Variants in LRP1 observed in about 807,000 individuals in gnomAD.
The protein encoded by LRP1 is LDL receptor related protein 1.
LRP1 carries 51 observed loss-of-function variants against 541.5 expected under a neutral mutation model. That is an observed-to-expected ratio of 0.09 (90% CI 0.08 to 0.12). The LOEUF is 0.12. LRP1 is among the 10% of genes least tolerant of loss of function. The pLI is 1.00. For synonymous variants in LRP1, 2,219 were observed against 2,470.8 expected (o/e 0.90, Z 3.02); for missense variants, 3,878 against 6,376.2 (o/e 0.61, Z 13.34).
chr12:57,192,784 T>C, intron 44 of LRP1, 61 bp from the exon 45 acceptor site: 1 of 1,605,580 alleles, frequency 6.2e-7, no homozygotes, highest in African/African-American at 1.3e-5. Context: ...GTGGGTGCAC[T>C]CTGGGTGCAT....
At chr12:57,140,073 C>A (rs2035255986) in intron 2 of LRP1, among the ~76,000 whole-genome samples, 1 of 152,144 alleles carries the variant, frequency 6.6e-6, no homozygotes, top group Non-Finnish European at 1.5e-5. Flanking sequence ...AAGGAAGTTG[C>A]AGAGATGATA....
chr12:57,172,086 G>A (rs1251351543), intron 20 of LRP1, among the ~76,000 whole-genome samples: 1 of 142,032 alleles, frequency 7.0e-6, no homozygotes, highest in East Asian at 2.1e-4. Context: ...TTGAGATGGA[G>A]TCTCCCTCTG....
chr12:57,210,196 C>A, intron 81 of LRP1, 27 bp downstream of exon 81: 2 of 1,571,916 alleles, frequency 1.3e-6, no homozygotes, highest in Non-Finnish European at 1.7e-6. Context: ...CCAGTCCCAG[C>A]CATGCCTCAG....
chr12:57,192,522 C>T (rs925156329), intron 44 of LRP1, among the ~76,000 whole-genome samples: 2 of 152,144 alleles, frequency 1.3e-5, no homozygotes, highest in Non-Finnish European at 2.9e-5. Flanking sequence ...CCAGGTGTCT[C>T]CCATGCGCCC....
At position 57,162,041 on chromosome 12, in the gene LRP1, T is replaced by G. The variant is rs2136682604; in HGVS notation, c.2203-276T>G. Among the ~76,000 whole-genome samples, 1 of 151,564 alleles carries G rather than the reference T, an allele frequency of 6.6e-6. No homozygotes were observed. The highest frequency in any genetic ancestry group is 1.5e-5 in the Non-Finnish European group (1 of 67,810). On this transcript the variant is annotated intron_variant, in intron 13 of 88. Transcript: ENST00000243077. The surrounding 1 kb of genome is among the most constrained non-coding windows in gnomAD (Gnocchi z 5.2). ...TGCACGTATGTGTGCGTGTGTGTGT[T>G]TGGGGACTATGAATGAATAGGAATG...
Position 57,209,455 on chromosome 12 carries a change from G to A in LRP1, c.12263-237G>A, listed in dbSNP as rs1263305980. Among the ~76,000 whole-genome samples, 9 of 152,364 alleles carry A rather than the reference G, an allele frequency of 5.9e-5. No homozygotes were observed. In the South Asian group the frequency reaches 6.2e-4, roughly 11 times the overall value. On this transcript the variant is annotated intron_variant, in intron 79 of 88. Transcript: ENST00000243077. ...GAGGCAGCATAGGTACATTAGGAAC[G>A]TAGCAAATTGGGGGAGAAGGAATAG...
At chr12:57,200,674 G>A in intron 63 of LRP1, 25 bp from the exon 64 acceptor site, 1 of 1,604,168 alleles carries the variant, frequency 6.2e-7, no homozygotes, top group Non-Finnish European at 8.5e-7. Flanking sequence ...CAGCCGCTCT[G>A]ACTCTGAGCC....
In LRP1 at chr12:57,206,460, C is replaced by T. The variant is rs200492524; in HGVS notation, c.11591-13C>T. ...CATCCCACAGCCCCAGCCCTGGCCTCTTGCTTCTCCAGGCTCTGAGTACCA... is the reference window on the plus strand; with the variant it reads ...CATCCCACAGCCCCAGCCCTGGCCTTTTGCTTCTCCAGGCTCTGAGTACCA... On this transcript the variant is annotated splice_polypyrimidine_tract_variant and intron_variant, in intron 75 of 88. Transcript: ENST00000243077. This position sits in a 1 kb window ranked among gnomAD's most constrained non-coding sequence, Gnocchi z 4.7. 1.2e-6 allele frequency: 2 copies of T among 1,613,154 alleles called. No homozygotes were observed. The highest frequency in any genetic ancestry group is 3.3e-5 in the Admixed American group (2 of 59,996).
At chr12:57,131,976 C>CAGT (rs1391142196) in intron 1 of LRP1, 1 of 152,438 alleles carries the variant, frequency 6.6e-6, no homozygotes, top group East Asian at 1.9e-4. Context: ...TATTCCCGCC[C>CAGT]AGTACTCTCT....
In LRP1 at chr12:57,184,757, C is replaced by T. The variant is rs993106651; in HGVS notation, c.6187-82C>T. Reference sequence around the variant, plus strand: ...GGCTGAACTGAGGGCCTCACTCTGGCCCAGGCACTCCCTGCTGCCCCAGAC... The same window carrying T: ...GGCTGAACTGAGGGCCTCACTCTGGTCCAGGCACTCCCTGCTGCCCCAGAC... On this transcript the variant is annotated intron_variant, in intron 38 of 88. Coordinates refer to ENST00000243077, the MANE Select transcript of LRP1 (RefSeq NM_002332.3). This position sits in a 1 kb window ranked among gnomAD's most constrained non-coding sequence, Gnocchi z 7.8. 4.7e-6 allele frequency: 7 copies of T among 1,476,002 alleles called. No homozygotes were observed. In the African/African-American group the frequency reaches 9.7e-5, roughly 20 times the overall value. The allele number at this position is 1,476,002 out of a possible 1,614,324, so 91.4% of individuals were successfully genotyped here. A position where few individuals can be genotyped will look rare whatever the true frequency, so the allele number is the denominator to read the frequency against.
chr12:57,184,572 C>T lies in LRP1; in HGVS notation c.6186+120C>T, dbSNP rs2036231627. Reference sequence around the variant, plus strand: ...CAGGGGAAGTCACAGGGTCTCCCAGCCCAGCCCTCCACCCAGAGTAGGACT... The same window carrying T: ...CAGGGGAAGTCACAGGGTCTCCCAGTCCAGCCCTCCACCCAGAGTAGGACT... On this transcript the variant is annotated intron_variant, in intron 38 of 88. Coordinates refer to ENST00000243077, the MANE Select transcript of LRP1 (RefSeq NM_002332.3). This position sits in a 1 kb window ranked among gnomAD's most constrained non-coding sequence, Gnocchi z 7.8. The T allele has an allele frequency of 1.4e-6, 2 of 1,395,706 alleles. No homozygotes were observed. Among genetic ancestry groups the T allele is most frequent in the South Asian group, 1.4e-5 (1 of 73,304 alleles). 86.5% of individuals were successfully genotyped at this position (1,395,706 alleles called of 1,614,324 possible).
At chr12:57,138,608 C>G in intron 2 of LRP1, 27 bp downstream of exon 2, 1 of 1,612,458 alleles carries the variant, frequency 6.2e-7, no homozygotes, top group Non-Finnish European at 8.5e-7. Flanking sequence ...GATTCTTCTC[C>G]CCAAACCCTT....
chr12:57,195,746 C>T lies in LRP1; in HGVS notation c.8526C>T (p.Asp2842=), dbSNP rs1393104875. ...ACTTCGTGTGTGACCACGACCGTGACTGTGCAGATGGCTCTGATGAGTCCC... is the reference window on the plus strand; with the variant it reads ...ACTTCGTGTGTGACCACGACCGTGATTGTGCAGATGGCTCTGATGAGTCCC... ...PKHFVCDHDR[D]CADGSDESPE... is the part of the protein sequence containing the mutation. The change falls in exon 53 of 89, where the codon GAC becomes GAT. Residue 2842 remains aspartate (D), a synonymous_variant. Coordinates refer to ENST00000243077, the MANE Select transcript of LRP1 (RefSeq NM_002332.3). The T allele has an allele frequency of 1.2e-6, 2 of 1,614,112 alleles. No homozygotes were observed. The highest frequency in any genetic ancestry group is 1.7e-6 in the Non-Finnish European group (2 of 1,180,052).
intron 44 of LRP1, 60 bp from the exon 45 acceptor site, chr12:57,192,785 C>G: frequency 6.2e-7 from 1 of 1,607,712 alleles, no homozygotes; most frequent in Non-Finnish European, 8.5e-7. Flanking sequence ...TGGGTGCACT[C>G]TGGGTGCATG....
At chr12:57,159,706 T>C in intron 11 of LRP1, 119 bp from the exon 12 acceptor site, 1 of 928,274 alleles carries the variant, frequency 1.1e-6, no homozygotes. Context: ...CCCCAGAGGG[T>C]CCCTGCACCC....
At chr12:57,144,803 C>G (rs530254519) in intron 4 of LRP1, 169 bp from the exon 5 acceptor site, 2 of 662,622 alleles carry the variant, frequency 3.0e-6, no homozygotes, top group Non-Finnish European at 5.3e-6. Context: ...GATTCCAAGA[C>G]TGGACTTGCT....
In LRP1 at chr12:57,204,878, T is replaced by C. The variant is rs2036737457; in HGVS notation, c.11194+129T>C. ...ACTCGCCCAGGAAGGGGAGGATCCA[T>C]TGCTAGGAGCCTGGGGGCTTTTCGT... is the stretch of plus-strand genomic sequence containing the variant. On this transcript the variant is annotated intron_variant, in intron 72 of 88. Coordinates refer to ENST00000243077, the MANE Select transcript of LRP1 (RefSeq NM_002332.3). This position sits in a 1 kb window ranked among gnomAD's most constrained non-coding sequence, Gnocchi z 5.3. 2.1e-6 allele frequency: 3 copies of C among 1,448,122 alleles called. No homozygotes were observed. Among genetic ancestry groups the C allele is most frequent in the South Asian group, 2.7e-5 (2 of 75,310 alleles). The allele number at this position is 1,448,122 out of a possible 1,614,324, so 89.7% of individuals were successfully genotyped here. A position where few individuals can be genotyped will look rare whatever the true frequency, so the allele number is the denominator to read the frequency against.
At position 57,199,848 on chromosome 12, in the gene LRP1, A is replaced by G. The variant is rs113544462; in HGVS notation, c.9866-29A>G. 9.0e-6 allele frequency: 14 copies of G among 1,561,738 alleles called. No homozygotes were observed. The African/African-American group carries it at 1.4e-4, about 15-fold the overall frequency. ...AGCCTTTGGTAGGCCAGAAAATGTC[A>G]CCATATTTCACGACGTTTTCTCTGG... is the stretch of plus-strand genomic sequence containing the variant. On this transcript the variant is annotated intron_variant, in intron 61 of 88. Transcript: ENST00000243077.
At chr12:57,208,630 G>C (rs979540660) in intron 77 of LRP1, 81 bp from the exon 78 acceptor site, 2 of 831,990 alleles carry the variant, frequency 2.4e-6, no homozygotes, top group African/African-American at 3.4e-5. Flanking sequence ...CCTGTCCCCA[G>C]ACCAAGAAGC....
Sources: allele counts gnomAD v4.1 joint callset (sites outside exome capture counted in the v4.1 genomes callset), GRCh38; gene constraint gnomAD v4.1.1; non-coding constraint Gnocchi (gnomAD v3.1); transcripts MANE v1.5; gene names NCBI Gene and HGNC (gene_info 2026-07-23, HGNC 2026-07-21).